Variants in CTNNA3 observed in about 807,000 individuals in gnomAD.
CTNNA3 encodes catenin alpha 3, also known as catenin alpha-3.
Under a neutral mutation model 95.7 loss-of-function variants are expected in CTNNA3, and 76 were observed. That is an observed-to-expected ratio of 0.79 (90% CI 0.66 to 0.96). The LOEUF is 0.96. CTNNA3 is among the 40% of genes least tolerant of loss of function. CTNNA3 has a pLI of 0.00. For missense variants in CTNNA3, 1,191 were observed against 1,089.8 expected, an observed-to-expected ratio of 1.09 and a Z score of -1.31; for synonymous variants, 431 against 374.4, an observed-to-expected ratio of 1.15 and a Z score of -1.74.
chr10:65,982,511 C>T (rs1195337097), intron 16 of CTNNA3, among the ~76,000 whole-genome samples: 2 of 145,726 alleles, frequency 1.4e-5, no homozygotes, highest in African/African-American at 2.6e-5. Flanking sequence ...GATATCTACC[C>T]AGAGGAAAAA....
intron 1 of CTNNA3, among the ~76,000 whole-genome samples, chr10:67,655,228 T>C (rs1235837552): frequency 1.3e-5 from 2 of 152,234 alleles, no homozygotes; most frequent in East Asian, 3.8e-4. Flanking sequence ...ACTATTCTGA[T>C]CATGTCAACA....
At chr10:67,682,158 C>CAA (rs1042799163) in intron 1 of CTNNA3, among the ~76,000 whole-genome samples, 5 of 103,734 alleles carry the variant, frequency 4.8e-5, no homozygotes, top group East Asian at 2.7e-4. Context: ...AACCCCGTCT[C>CAA]AAAAAAAAAA....
chr10:66,937,506 T>C (rs1303632201), intron 7 of CTNNA3, among the ~76,000 whole-genome samples: 1 of 152,152 alleles, frequency 6.6e-6, no homozygotes. Flanking sequence ...AAAGTCATAT[T>C]ACACTACCTA....
chr10:66,347,179 C>A (rs893591004), intron 12 of CTNNA3, among the ~76,000 whole-genome samples: 1 of 151,958 alleles, frequency 6.6e-6, no homozygotes, highest in African/African-American at 2.4e-5. Flanking sequence ...CATGTCATTT[C>A]CTATGGGCCA....
intron 5 of CTNNA3, among the ~76,000 whole-genome samples, chr10:67,262,311 AG>A (rs1866651425): frequency 6.6e-6 from 1 of 152,186 alleles, no homozygotes; most frequent in South Asian, 2.1e-4. Context: ...CAGGATCAAA[AG>A]GGGTGATTTT....
intron 7 of CTNNA3, among the ~76,000 whole-genome samples, chr10:66,861,887 A>C (rs1843941915): frequency 6.6e-6 from 1 of 152,142 alleles, no homozygotes; most frequent in African/African-American, 2.4e-5. Context: ...TCAATGTTTA[A>C]TATTAGAAGT....
intron 5 of CTNNA3, among the ~76,000 whole-genome samples, chr10:67,441,084 G>T (rs929053825): frequency 6.6e-6 from 1 of 151,996 alleles, no homozygotes; most frequent in African/African-American, 2.4e-5. Flanking sequence ...AATTCCATCA[G>T]ATAAATTTAA....
At chr10:67,238,827 C>G (rs552899751) in intron 5 of CTNNA3, among the ~76,000 whole-genome samples, 18 of 152,038 alleles carry the variant, frequency 1.2e-4, no homozygotes, top group Non-Finnish European at 2.4e-4. Flanking sequence ...CATTATAATT[C>G]TCTTGAATGC....
At chr10:67,399,849 C>G (rs527526835) in intron 5 of CTNNA3, among the ~76,000 whole-genome samples, 1 of 152,260 alleles carries the variant, frequency 6.6e-6, no homozygotes, top group South Asian at 2.1e-4. Context: ...AGATCAAGTA[C>G]ACATTCATGA....
intron 10 of CTNNA3, among the ~76,000 whole-genome samples, chr10:66,565,305 C>T (rs933764294): frequency 5.3e-5 from 8 of 151,840 alleles, no homozygotes; most frequent in African/African-American, 1.7e-4. Flanking sequence ...ACAAAGGATA[C>T]ATAAGAGATG....
chr10:67,743,070 G>C (rs990424117), intron 1 of CTNNA3, among the ~76,000 whole-genome samples: 6 of 151,058 alleles, frequency 4.0e-5, no homozygotes, highest in Non-Finnish European at 5.9e-5. Context: ...TTCTACCAGA[G>C]GTACAAACAG....
intron 13 of CTNNA3, among the ~76,000 whole-genome samples, chr10:66,217,365 A>AG (rs1247447096): frequency 1.3e-5 from 2 of 151,978 alleles, no homozygotes; most frequent in East Asian, 1.9e-4. Flanking sequence ...AAAAAAAAAA[A>AG]AAAGAAAGGA....
chr10:67,094,977 G>T (rs1042029330), intron 7 of CTNNA3, among the ~76,000 whole-genome samples: 1 of 151,276 alleles, frequency 6.6e-6, no homozygotes, highest in African/African-American at 2.4e-5. Flanking sequence ...TGATTTAAAT[G>T]ATTTTGAAAC....
intron 11 of CTNNA3, among the ~76,000 whole-genome samples, chr10:66,441,086 C>T (rs566320000): frequency 2.6e-5 from 4 of 152,272 alleles, no homozygotes; most frequent in African/African-American, 2.4e-5. Context: ...GTAGTCTCAA[C>T]ACCTGGGAGG....
chr10:66,848,780 T>C (rs1843371671), intron 7 of CTNNA3, among the ~76,000 whole-genome samples: 1 of 152,192 alleles, frequency 6.6e-6, no homozygotes, highest in African/African-American at 2.4e-5. Flanking sequence ...ATAGATATTT[T>C]CGTGTGTCCT....
chr10:67,611,583 T>C (rs113118349), intron 2 of CTNNA3, among the ~76,000 whole-genome samples: 9,516 of 152,304 alleles, frequency 0.062, 321 homozygotes, highest in South Asian at 0.1. Context: ...CCCAAAGTGC[T>C]GGGATTACAG....
intron 17 of CTNNA3, among the ~76,000 whole-genome samples, chr10:65,962,777 A>G (rs1360503222): frequency 2.7e-5 from 4 of 147,816 alleles, no homozygotes; most frequent in South Asian, 2.2e-4. Flanking sequence ...TCATTGTTCA[A>G]CTCCCACTTA....
intron 5 of CTNNA3, among the ~76,000 whole-genome samples, chr10:67,436,022 A>T (rs1846289242): frequency 6.6e-6 from 1 of 152,054 alleles, no homozygotes; most frequent in Non-Finnish European, 1.5e-5. Context: ...CCAAAGCAAG[A>T]GAAAGCAAAA....
intron 7 of CTNNA3, among the ~76,000 whole-genome samples, chr10:67,084,208 A>G (rs1857188884): frequency 6.6e-6 from 1 of 152,140 alleles, no homozygotes; most frequent in African/African-American, 2.4e-5. Flanking sequence ...TAAGCAATCT[A>G]TCCTCATATG....
Sources: allele counts gnomAD v4.1 joint callset (sites outside exome capture counted in the v4.1 genomes callset), GRCh38; gene constraint gnomAD v4.1.1; transcripts MANE v1.5; gene names NCBI Gene and HGNC (gene_info 2026-07-23, HGNC 2026-07-21).